ZBTB21: variants seen among roughly 807,000 people sequenced by gnomAD.
ZBTB21 encodes zinc finger and BTB domain containing 21.
In ZBTB21, 10 loss-of-function variants were observed where a neutral mutation model predicts 39.8. The ratio of observed to expected loss-of-function variants is 0.25; its 90% CI spans 0.16 to 0.43. ZBTB21 has a LOEUF of 0.43. Among genes scored for constraint, ZBTB21 ranks in the 20% least tolerant of loss-of-function variants. The pLI is 1.00. For missense variants in ZBTB21, 1,221 were observed against 1,296.3 expected (o/e 0.94, Z 0.89); for synonymous variants, 551 against 498.8 (o/e 1.10, Z -1.40).
At chr21:42,003,542 C>A (rs1463435209) in intron 1 of ZBTB21, among the ~76,000 whole-genome samples, 1 of 152,142 alleles carries the variant, frequency 6.6e-6, no homozygotes, top group African/African-American at 2.4e-5. Flanking sequence ...TGGGACTCAT[C>A]ACTCCTTTGA....
chr21:41,997,021 G>C lies in ZBTB21; in HGVS notation c.-13-2913C>G, dbSNP rs377169673. Among the ~76,000 whole-genome samples the C allele has an allele frequency of 7.7e-4, 118 of 152,274 alleles. 1 individual carries two copies. The highest frequency in any genetic ancestry group is 3.4e-3 in the Middle Eastern group (1 of 294). On this transcript the variant is annotated intron_variant, in intron 2 of 2. Coordinates refer to ENST00000310826, the MANE Select transcript of ZBTB21 (RefSeq NM_001098402.2). ...CCACTGAACCTCTTTTTCTTTGTTA[G>C]TTACCCAGTCTCAGGTATGTCTTTA...
intron 2 of ZBTB21, among the ~76,000 whole-genome samples, chr21:41,995,915 C>G (rs764495380): frequency 6.6e-6 from 1 of 152,184 alleles, no homozygotes; most frequent in African/African-American, 2.4e-5. Context: ...CAAGCCTTGG[C>G]GGCTTCCATG....
At chr21:42,000,308 G>A (rs913912608) in intron 2 of ZBTB21, among the ~76,000 whole-genome samples, 2 of 152,096 alleles carry the variant, frequency 1.3e-5, no homozygotes, top group African/African-American at 4.8e-5. Context: ...CTCCATCTCC[G>A]CCTTACTGTC....
Position 41,986,949 on chromosome 21 carries a change from C to T in ZBTB21, c.*3946G>A, listed in dbSNP as rs115807607. The T allele has an allele frequency of 8.3e-4, 127 of 152,724 alleles. 2 individuals are homozygous for T. The highest frequency in any genetic ancestry group is 2.9e-3 in the African/African-American group (120 of 41,570). 9.5% of individuals were successfully genotyped at this position (152,724 alleles called of 1,614,324 possible). ...AATGGATTAACATTAGATAGAAATC[C>T]TATTTTACCATGAATTTTCAGTTCG... On this transcript the variant is annotated 3_prime_UTR_variant, in exon 3 of 3. Coordinates refer to ENST00000310826, the MANE Select transcript of ZBTB21 (RefSeq NM_001098402.2).
Position 42,008,563 on chromosome 21 carries a change from GAAAA to G in ZBTB21, c.-79+1685_-79+1688del, listed in dbSNP as rs1332944895. Among the ~76,000 whole-genome samples the G allele has an allele frequency of 1.3e-3, 137 of 102,778 alleles. 1 individual carries two copies. In the East Asian group the frequency reaches 0.027, roughly 20 times the overall value. The allele number at this position is 102,778 out of a possible 152,430, so 67.4% of individuals were successfully genotyped here. ...GTCAAAAAAAAAAAAAAAAAAAAAA[GAAAA>G]AAAGAAAAGAAAAGAAAAAATTGTC... On this transcript the variant is annotated intron_variant, in intron 1 of 2. Transcript: ENST00000310826.
chr21:42,003,228 T>C (rs1331259276), intron 1 of ZBTB21, among the ~76,000 whole-genome samples: 1 of 152,190 alleles, frequency 6.6e-6, no homozygotes, highest in Non-Finnish European at 1.5e-5. Flanking sequence ...GCACTTCCCA[T>C]GTGGCACATG....
At chr21:41,997,118 C>A (rs1033547894) in intron 2 of ZBTB21, among the ~76,000 whole-genome samples, 4 of 152,210 alleles carry the variant, frequency 2.6e-5, no homozygotes, top group African/African-American at 9.6e-5. Flanking sequence ...AATGGGGCCT[C>A]ACTATGTTGC....
rs1261072799 is a variant in ZBTB21 at position 41,993,739 on chromosome 21, A to C, written c.357T>G (p.Ser119=). 6.2e-7 allele frequency: 1 copy of C among 1,614,110 alleles called. No homozygotes were observed. The change falls in exon 3 of 3, where the codon TCT becomes TCG. Residue 119 remains serine (S), a synonymous_variant. Transcript: ENST00000310826. ...LGISFLTNIV[S]KTPQAPFPTC... is the part of the protein sequence containing the mutation. ...TTGGAAAGGGGGCTTGAGGTGTTTT[A>C]GAAACGATGTTAGTCAGAAAGGAAA...
At chr21:41,996,988 C>CTG (rs1255336570) in intron 2 of ZBTB21, among the ~76,000 whole-genome samples, 1 of 152,228 alleles carries the variant, frequency 6.6e-6, no homozygotes, top group Non-Finnish European at 1.5e-5. Flanking sequence ...TCACATGGAC[C>CTG]TGTGAGTCCA....
intron 2 of ZBTB21, among the ~76,000 whole-genome samples, chr21:41,994,329 G>C (rs985713920): frequency 4.6e-5 from 7 of 151,996 alleles, no homozygotes; most frequent in East Asian, 3.9e-4. Context: ...AAGAATTGCA[G>C]GAACTATAAT....
At chr21:41,998,851 T>C (rs538363921) in intron 2 of ZBTB21, among the ~76,000 whole-genome samples, 115 of 152,342 alleles carry the variant, frequency 7.5e-4, no homozygotes, top group African/African-American at 2.5e-3. Flanking sequence ...CACAAACAAC[T>C]ACTTTGGTCA....
At chr21:42,000,961 G>A (rs2065809842) in intron 2 of ZBTB21, among the ~76,000 whole-genome samples, 1 of 152,048 alleles carries the variant, frequency 6.6e-6, no homozygotes, top group Admixed American at 6.6e-5. Flanking sequence ...CAGTAACTAG[G>A]TACTTAATAA....
chr21:41,987,452 C>A lies in ZBTB21; in HGVS notation c.*3443G>T, dbSNP rs2065592770. 6.6e-6 allele frequency: 1 copy of A among 152,066 alleles called. No individual in the cohort carries two copies. The highest frequency in any genetic ancestry group is 1.5e-5 in the Non-Finnish European group (1 of 68,000). 9.4% of individuals were successfully genotyped at this position (152,066 alleles called of 1,614,324 possible). ...AACCACAAAAAGCCATAAATGAAAA[C>A]CTATTTTTTAAAACTTAAAGTTTAG... On this transcript the variant is annotated 3_prime_UTR_variant, in exon 3 of 3. Coordinates refer to ENST00000310826, the MANE Select transcript of ZBTB21 (RefSeq NM_001098402.2).
Position 41,991,823 on chromosome 21 carries a change from A to G in ZBTB21, c.2273T>C (p.Phe758Ser), listed in dbSNP as rs745621195. 2.4e-5 allele frequency: 38 copies of G among 1,614,084 alleles called. No homozygotes were observed. Among genetic ancestry groups the G allele is most frequent in the Middle Eastern group, 1.6e-4 (1 of 6,082 alleles). The part of the protein sequence containing the change: ...AVCPYCSLRF[F>S]SPELKQEHES... ...GTGTTCTTGCTTCAGCTCGGGCGAGAAAAACCTGAGGCTGCAGTAAGGGCA... is the reference window on the plus strand; with the variant it reads ...GTGTTCTTGCTTCAGCTCGGGCGAGGAAAACCTGAGGCTGCAGTAAGGGCA... The change falls in exon 3 of 3, where the codon TTC becomes TCC. Residue 758 changes from phenylalanine to serine, a missense_variant. Physicochemically the swap from Phe to Ser is radical, Grantham distance 155 (BLOSUM62 -2). Coordinates refer to ENST00000310826, the MANE Select transcript of ZBTB21 (RefSeq NM_001098402.2). The surrounding 1 kb of genome is among the most constrained non-coding windows in gnomAD (Gnocchi z 4.9).
At chr21:42,005,739 CA>C (rs1429548113) in intron 1 of ZBTB21, among the ~76,000 whole-genome samples, 1 of 152,172 alleles carries the variant, frequency 6.6e-6, no homozygotes, top group East Asian at 1.9e-4. Flanking sequence ...ATTATTAATT[CA>C]ACTTATTTAC....
chr21:42,007,849 C>T (rs561514735), intron 1 of ZBTB21: 1 of 152,312 alleles, frequency 6.6e-6, no homozygotes, highest in South Asian at 2.1e-4. Context: ...GTTACAGAGC[C>T]CCAAAACGTG....
intron 2 of ZBTB21, among the ~76,000 whole-genome samples, chr21:41,998,192 A>AT (rs112739106): frequency 0.017 from 2,101 of 122,176 alleles, 31 homozygotes; most frequent in African/African-American, 0.044. Flanking sequence ...CATCCTTTTC[A>AT]TTTTTTTTTT....
intron 1 of ZBTB21, 108 bp downstream of exon 1, chr21:42,010,144 G>A: frequency 2.6e-6 from 1 of 389,442 alleles, no homozygotes; most frequent in Non-Finnish European, 4.5e-6. Context: ...AAAGAGGAGA[G>A]AAATCACCTC....
In ZBTB21 at chr21:41,990,461, A is replaced by G. The variant is rs1349282940; in HGVS notation, c.*434T>C. On this transcript the variant is annotated 3_prime_UTR_variant, in exon 3 of 3. Coordinates refer to ENST00000310826, the MANE Select transcript of ZBTB21 (RefSeq NM_001098402.2). ...ATAAATCAATACTGCAAACTACTCCACTTCTTCCTATTTTGGACTTAAGAA... is the reference window on the plus strand; with the variant it reads ...ATAAATCAATACTGCAAACTACTCCGCTTCTTCCTATTTTGGACTTAAGAA... The G allele has an allele frequency of 6.5e-6, 1 of 153,194 alleles. No individual in the cohort carries two copies. Among genetic ancestry groups the G allele is most frequent in the East Asian group, 1.9e-4 (1 of 5,208 alleles). 9.5% of individuals were successfully genotyped at this position (153,194 alleles called of 1,614,324 possible).
Sources: gnomAD v4.1 joint callset for allele counts (sites outside exome capture counted in the v4.1 genomes callset) on GRCh38, gnomAD v4.1.1 for gene constraint, Gnocchi (gnomAD v3.1) non-coding constraint, MANE v1.5 for transcripts, NCBI Gene and HGNC (gene_info 2026-07-23, HGNC 2026-07-21) for gene names.